ST18: variants seen among roughly 807,000 people sequenced by gnomAD.
ST18 encodes the protein ST18 C2H2C-type zinc finger transcription factor, also known as suppression of tumorigenicity 18 protein.
Under a neutral mutation model 110.0 loss-of-function variants are expected in ST18, and 50 were observed. The observed-to-expected ratio is 0.45, with a 90% CI of 0.36 to 0.58. The LOEUF is 0.58. ST18 is among the 20% of genes least tolerant of loss of function. The pLI is 0.00. For synonymous variants in ST18, 461 were observed against 452.4 expected (o/e 1.02, Z -0.24); for missense variants, 1,306 against 1,280.1 (o/e 1.02, Z -0.31).
intron 2 of ST18, among the ~76,000 whole-genome samples, chr8:52,273,138 C>G (rs1256566386): frequency 6.6e-6 from 1 of 152,032 alleles, no homozygotes; most frequent in African/African-American, 2.4e-5. Context: ...GCCAAAAAGC[C>G]CATCTGAATT....
At chr8:52,142,126 G>T (rs751122312) in intron 17 of ST18, among the ~76,000 whole-genome samples, 6 of 152,128 alleles carry the variant, frequency 3.9e-5, no homozygotes, top group Non-Finnish European at 8.8e-5. Flanking sequence ...GACAGGGGAA[G>T]GGGATGCCGA....
intron 10 of ST18, 149 bp from the exon 11 acceptor site, chr8:52,167,135 C>T (rs1485406065): frequency 1.8e-6 from 2 of 1,113,262 alleles, no homozygotes; most frequent in African/African-American, 3.1e-5. Context: ...AGACCCTCAA[C>T]TAAGACCTGT....
At chr8:52,166,794 A>G in intron 11 of ST18, 58 bp downstream of exon 11, 1 of 1,432,922 alleles carries the variant, frequency 7.0e-7, no homozygotes, top group Non-Finnish European at 9.2e-7. Flanking sequence ...CAAAGAGGAT[A>G]ACATCTTGAT....
chr8:52,391,179 C>A (rs1839204272), intron 2 of ST18, among the ~76,000 whole-genome samples: 1 of 152,194 alleles, frequency 6.6e-6, no homozygotes, highest in South Asian at 2.1e-4. Context: ...CACCCCCTTT[C>A]CCTGGTGCGA....
chr8:52,151,326 C>G (rs1207539605), intron 15 of ST18, among the ~76,000 whole-genome samples: 1 of 152,104 alleles, frequency 6.6e-6, no homozygotes, highest in African/African-American at 2.4e-5. Flanking sequence ...TTCAATCTCT[C>G]AGCCTATGAG....
At chr8:52,168,486 G>A (rs1160491769) in intron 10 of ST18, among the ~76,000 whole-genome samples, 3 of 152,016 alleles carry the variant, frequency 2.0e-5, no homozygotes, top group Admixed American at 6.6e-5. Flanking sequence ...ACAGTCCTAG[G>A]CAGATGGGGC....
chr8:52,210,813 C>T (rs6994309), intron 8 of ST18, among the ~76,000 whole-genome samples: 10,763 of 152,162 alleles, frequency 0.071, 1,291 homozygotes, highest in African/African-American at 0.24. Flanking sequence ...ATAAGTGTTT[C>T]GCTACATAAA....
chr8:52,214,590 A>G (rs951996802), intron 6 of ST18, among the ~76,000 whole-genome samples: 4 of 152,182 alleles, frequency 2.6e-5, no homozygotes, highest in Admixed American at 6.5e-5. Context: ...ATGAAACCTC[A>G]TATGTCAAAC....
chr8:52,282,974 G>A (rs1326029729), intron 2 of ST18, among the ~76,000 whole-genome samples: 3 of 152,174 alleles, frequency 2.0e-5, no homozygotes, highest in Non-Finnish European at 4.4e-5. Flanking sequence ...GCCACGAAGG[G>A]TACATAAGAA....
chr8:52,337,705 A>G (rs1187464097), intron 2 of ST18, among the ~76,000 whole-genome samples: 1 of 152,216 alleles, frequency 6.6e-6, no homozygotes, highest in Non-Finnish European at 1.5e-5. Context: ...TTGCTGATAG[A>G]GTTGGCGTTT....
intron 8 of ST18, among the ~76,000 whole-genome samples, chr8:52,181,499 A>G (rs9643794): frequency 0.22 from 32,840 of 152,118 alleles, 6,561 homozygotes; most frequent in African/African-American, 0.53. Flanking sequence ...TGGAAGAAGC[A>G]ATAATTAGAC....
intron 2 of ST18, among the ~76,000 whole-genome samples, chr8:52,392,849 C>A (rs995469804): frequency 6.6e-6 from 1 of 152,196 alleles, no homozygotes; most frequent in Non-Finnish European, 1.5e-5. Flanking sequence ...AGGGAAATTA[C>A]AAAGTTACAC....
At chr8:52,121,011 T>G (rs1222789639) in intron 23 of ST18, among the ~76,000 whole-genome samples, 1 of 152,150 alleles carries the variant, frequency 6.6e-6, no homozygotes, top group East Asian at 1.9e-4. Context: ...TAGAGCTGTC[T>G]CTGTGATGAG....
intron 2 of ST18, among the ~76,000 whole-genome samples, chr8:52,317,602 T>C (rs1286354242): frequency 1.3e-5 from 2 of 152,350 alleles, no homozygotes; most frequent in South Asian, 2.1e-4. Flanking sequence ...CTATACGTCA[T>C]GGTGTGTTTA....
chr8:52,390,229 C>A (rs185694816), intron 2 of ST18, among the ~76,000 whole-genome samples: 1 of 152,170 alleles, frequency 6.6e-6, no homozygotes, highest in South Asian at 2.1e-4. Flanking sequence ...GGCACACCTC[C>A]CTTCCTCCCT....
At chr8:52,124,055 A>G (rs1355371579) in intron 23 of ST18, among the ~76,000 whole-genome samples, 7 of 152,212 alleles carry the variant, frequency 4.6e-5, no homozygotes, top group African/African-American at 1.7e-4. Context: ...TCTAAAAGGC[A>G]AGGTCAAATT....
chr8:52,353,358 C>G (rs1356657412), intron 2 of ST18, among the ~76,000 whole-genome samples: 2 of 152,172 alleles, frequency 1.3e-5, no homozygotes, highest in Non-Finnish European at 1.5e-5. Context: ...TAATGTAGTG[C>G]CCTGTGGCAA....
At chr8:52,259,451 A>G (rs533862388) in intron 2 of ST18, among the ~76,000 whole-genome samples, 1 of 152,288 alleles carries the variant, frequency 6.6e-6, no homozygotes, top group South Asian at 2.1e-4. Context: ...TCCTGGATCT[A>G]TTTGCAAAAG....
intron 17 of ST18, 86 bp from the exon 18 acceptor site, chr8:52,137,569 T>C: frequency 7.3e-7 from 1 of 1,366,114 alleles, no homozygotes; most frequent in South Asian, 1.2e-5. Flanking sequence ...AGGAGGTAGC[T>C]TCTCTGTGCG....
Sources: gnomAD v4.1 joint callset for allele counts (sites outside exome capture counted in the v4.1 genomes callset) on GRCh38, gnomAD v4.1.1 for gene constraint, MANE v1.5 for transcripts, NCBI Gene and HGNC (gene_info 2026-07-23, HGNC 2026-07-21) for gene names.